Variants in EFNA5 observed in about 807,000 individuals in gnomAD.
EFNA5 encodes ephrin-A5.
A neutral mutation model predicts 22.9 loss-of-function variants in EFNA5; 5 were observed. That is an observed-to-expected ratio of 0.22 (90% CI 0.11 to 0.46). EFNA5 has a LOEUF of 0.46. Ranked by LOEUF, EFNA5 falls within the 20% of genes least tolerant of loss-of-function variation. EFNA5 has a pLI of 0.99. For synonymous variants in EFNA5, 113 were observed against 112.2 expected, an observed-to-expected ratio of 1.01 and a Z score of -0.04; for missense variants, 237 against 293.3, an observed-to-expected ratio of 0.81 and a Z score of 1.40.
chr5:107,642,161 T>A (rs1443308747), intron 1 of EFNA5, among the ~76,000 whole-genome samples: 1 of 152,168 alleles, frequency 6.6e-6, no homozygotes, highest in African/African-American at 2.4e-5. Flanking sequence ...GACATTTCAC[T>A]TTTGTTTAAA....
At chr5:107,401,739 T>A (rs763107279) in intron 2 of EFNA5, among the ~76,000 whole-genome samples, 9 of 152,184 alleles carry the variant, frequency 5.9e-5, no homozygotes, top group Non-Finnish European at 1.2e-4. Context: ...GAAATCAAGA[T>A]TCTGAAGGGC....
intron 1 of EFNA5, among the ~76,000 whole-genome samples, chr5:107,535,539 G>GAA (rs1449950410): frequency 6.6e-6 from 1 of 151,746 alleles, no homozygotes; most frequent in African/African-American, 2.4e-5. Flanking sequence ...AGTTTGAAAA[G>GAA]AAAAATATAT....
At chr5:107,595,989 T>G (rs1161151148) in intron 1 of EFNA5, among the ~76,000 whole-genome samples, 1 of 152,246 alleles carries the variant, frequency 6.6e-6, no homozygotes, top group East Asian at 1.9e-4. Flanking sequence ...ATTTATTTTT[T>G]TAATTGCCTC....
chr5:107,506,778 T>A (rs1747261670), intron 1 of EFNA5, among the ~76,000 whole-genome samples: 1 of 152,122 alleles, frequency 6.6e-6, no homozygotes, highest in Non-Finnish European at 1.5e-5. Flanking sequence ...ATATATAATA[T>A]CTAGATTTTG....
chr5:107,486,752 C>T (rs1340508867), intron 1 of EFNA5, among the ~76,000 whole-genome samples: 1 of 152,166 alleles, frequency 6.6e-6, no homozygotes, highest in Non-Finnish European at 1.5e-5. Context: ...ATAATAGTTA[C>T]CTGCCTTAAT....
intron 2 of EFNA5, among the ~76,000 whole-genome samples, chr5:107,424,453 T>G (rs1748757537): frequency 6.6e-6 from 1 of 151,448 alleles, no homozygotes; most frequent in African/African-American, 2.4e-5. Flanking sequence ...CCTGACCTCA[T>G]GATCCACCCG....
At chr5:107,454,411 C>T (rs557983150) in intron 1 of EFNA5, among the ~76,000 whole-genome samples, 14 of 152,124 alleles carry the variant, frequency 9.2e-5, no homozygotes, top group Admixed American at 3.9e-4. Flanking sequence ...ATCCAAAGGA[C>T]TACATTAAAA....
At chr5:107,393,506 T>C (rs972319444) in intron 2 of EFNA5, among the ~76,000 whole-genome samples, 1 of 152,236 alleles carries the variant, frequency 6.6e-6, no homozygotes, top group Non-Finnish European at 1.5e-5. Context: ...CTGTGTCCCA[T>C]GTCAATCTGG....
intron 1 of EFNA5, among the ~76,000 whole-genome samples, chr5:107,541,243 A>G (rs1748040889): frequency 6.6e-6 from 1 of 152,218 alleles, no homozygotes; most frequent in Non-Finnish European, 1.5e-5. Flanking sequence ...CGGTATGATT[A>G]TAGCAAGGTA....
chr5:107,571,577 G>A (rs1230528939), intron 1 of EFNA5, among the ~76,000 whole-genome samples: 1 of 151,486 alleles, frequency 6.6e-6, no homozygotes, highest in African/African-American at 2.4e-5. Context: ...TAATGGCATA[G>A]GTTTGGGCTC....
intron 1 of EFNA5, among the ~76,000 whole-genome samples, chr5:107,539,036 C>T (rs1298680577): frequency 6.6e-6 from 1 of 152,212 alleles, no homozygotes; most frequent in Non-Finnish European, 1.5e-5. Context: ...TGCACTGGTA[C>T]ACTAATGAAA....
chr5:107,410,822 C>A (rs1408204120), intron 2 of EFNA5, among the ~76,000 whole-genome samples: 3 of 152,126 alleles, frequency 2.0e-5, no homozygotes, highest in Non-Finnish European at 4.4e-5. Context: ...ATATGACTGG[C>A]CCTAGATCTG....
intron 1 of EFNA5, among the ~76,000 whole-genome samples, chr5:107,432,793 C>A (rs1317361445): frequency 6.6e-6 from 1 of 152,124 alleles, no homozygotes; most frequent in East Asian, 1.9e-4. Context: ...GACCCTTGAG[C>A]AACACGGGTT....
At chr5:107,519,596 C>A (rs984240070) in intron 1 of EFNA5, among the ~76,000 whole-genome samples, 6 of 152,130 alleles carry the variant, frequency 3.9e-5, no homozygotes, top group African/African-American at 1.2e-4. Context: ...GAAAGAGTGT[C>A]TTCCAAAATA....
rs1163234362 is a variant in EFNA5 at position 107,515,855 on chromosome 5, C to G, written c.126-88346G>C. Among the ~76,000 whole-genome samples the G allele has an allele frequency of 4.6e-5, 7 of 152,256 alleles. No homozygotes were observed. The East Asian group carries it at 1.2e-3, about 25-fold the overall frequency. On this transcript the variant is annotated intron_variant, in intron 1 of 4. Coordinates refer to ENST00000333274, the MANE Select transcript of EFNA5 (RefSeq NM_001962.3). The stretch of plus-strand genomic sequence containing the variant: ...TATGTTGTACACAGGAGAATCCAAG[C>G]CCAAGAAACTAAAAATCATCCCAAA...
chr5:107,444,758 T>C (rs1222376093), intron 1 of EFNA5, among the ~76,000 whole-genome samples: 1 of 152,114 alleles, frequency 6.6e-6, no homozygotes, highest in East Asian at 1.9e-4. Flanking sequence ...GAAGTAAAAT[T>C]TTCTTTACTA....
intron 1 of EFNA5, among the ~76,000 whole-genome samples, chr5:107,616,778 T>C (rs1194751141): frequency 6.6e-6 from 1 of 152,200 alleles, no homozygotes; most frequent in Non-Finnish European, 1.5e-5. Flanking sequence ...TCTTACAAAA[T>C]CACACTGTGA....
At chr5:107,429,981 AT>A (rs1284613520) in intron 1 of EFNA5, among the ~76,000 whole-genome samples, 1 of 152,192 alleles carries the variant, frequency 6.6e-6, no homozygotes, top group Non-Finnish European at 1.5e-5. Context: ...CAGCATGCTG[AT>A]TTACACAAGA....
chr5:107,390,143 T>C (rs1747747037), intron 2 of EFNA5, among the ~76,000 whole-genome samples: 1 of 152,216 alleles, frequency 6.6e-6, no homozygotes, highest in Non-Finnish European at 1.5e-5. Flanking sequence ...CTTGGGTTTC[T>C]TATTTAACAC....
Sources: allele counts gnomAD v4.1 joint callset (sites outside exome capture counted in the v4.1 genomes callset), GRCh38; gene constraint gnomAD v4.1.1; transcripts MANE v1.5; gene names NCBI Gene and HGNC (gene_info 2026-07-23, HGNC 2026-07-21).